Variants in ASAP3 observed in about 807,000 individuals in gnomAD.
The protein encoded by ASAP3 is arf-GAP with SH3 domain, ANK repeat and PH domain-containing protein 3.
A neutral mutation model predicts 118.2 loss-of-function variants in ASAP3; 85 were observed. The ratio of observed to expected loss-of-function variants is 0.72; its 90% CI spans 0.60 to 0.86. ASAP3 has a LOEUF of 0.86. ASAP3 is among the 40% of genes least tolerant of loss of function. The probability of loss-of-function intolerance (pLI) is 0.00; values close to 1 mark genes in which losing one functional copy is unlikely to be tolerated. For synonymous variants in ASAP3, 432 were observed against 477.4 expected, an observed-to-expected ratio of 0.90 and a Z score of 1.24; for missense variants, 1,026 against 1,175.0, an observed-to-expected ratio of 0.87 and a Z score of 1.85.
chr1:23,437,551 C>A lies in ASAP3; in HGVS notation c.1103-79G>T. 1 of 1,558,034 alleles carries A rather than the reference C, an allele frequency of 6.4e-7. No homozygotes were observed. Among genetic ancestry groups the A allele is most frequent in the Non-Finnish European group, 8.8e-7 (1 of 1,138,440 alleles). On this transcript the variant is annotated intron_variant, in intron 12 of 24. Transcript: ENST00000336689. This position sits in a 1 kb window ranked among gnomAD's most constrained non-coding sequence, Gnocchi z 6.1. ...GAGCCCAGGGAGCCCCCACCAAAGC[C>A]GCTGGGGCCACATGGAGATGTGTCC...
At chr1:23,470,316 TG>T (rs1475268501) in intron 1 of ASAP3, among the ~76,000 whole-genome samples, 1 of 152,246 alleles carries the variant, frequency 6.6e-6, no homozygotes, top group African/African-American at 2.4e-5. Flanking sequence ...GGTTTTCCTC[TG>T]GATCAGCCCC....
chr1:23,462,412 G>C (rs1222773050), intron 1 of ASAP3, among the ~76,000 whole-genome samples: 1 of 152,040 alleles, frequency 6.6e-6, no homozygotes, highest in Non-Finnish European at 1.5e-5. Flanking sequence ...GCTCTTGGCA[G>C]CCAAGTTCAC....
chr1:23,472,999 TC>T (rs1387379843), intron 1 of ASAP3, among the ~76,000 whole-genome samples: 3 of 152,174 alleles, frequency 2.0e-5, no homozygotes, highest in Admixed American at 2.0e-4. Flanking sequence ...CTCAGCCACA[TC>T]CCTGTATGCT....
At position 23,433,169 on chromosome 1, in the gene ASAP3, G is replaced by A. The variant is rs748749801; in HGVS notation, c.2231C>T (p.Pro744Leu). The A allele has an allele frequency of 1.2e-6, 2 of 1,614,164 alleles. No homozygotes were observed. Among genetic ancestry groups the A allele is most frequent in the Non-Finnish European group, 1.7e-6 (2 of 1,180,026 alleles). ...ETVASLGAAT[P>L]QGESEDCPPP... ...GGGACAGTCCTCACTCTCGCCCTGA[G>A]GGGTGGCTGCTCCCAGGCTGGCGAC... The change falls in exon 22 of 25, where the codon CCT (proline) becomes CTT (leucine). Residue 744 changes from proline to leucine, a missense_variant. Transcript: ENST00000336689.
At chr1:23,478,234 G>A (rs947475491) in intron 1 of ASAP3, among the ~76,000 whole-genome samples, 14 of 152,250 alleles carry the variant, frequency 9.2e-5, no homozygotes, top group African/African-American at 2.9e-4. Flanking sequence ...GGAAGCCGAG[G>A]TGGGTGGATC....
intron 1 of ASAP3, among the ~76,000 whole-genome samples, chr1:23,476,334 A>G (rs1180015678): frequency 6.6e-6 from 1 of 151,586 alleles, no homozygotes; most frequent in Non-Finnish European, 1.5e-5. Flanking sequence ...CAATACAGTG[A>G]GACTCCATCC....
At chr1:23,441,019 A>G (rs1640853376) in intron 10 of ASAP3, 83 bp downstream of exon 10, 1 of 1,281,118 alleles carries the variant, frequency 7.8e-7, no homozygotes, top group Non-Finnish European at 1.1e-6. Context: ...TGATTAGAAC[A>G]GTTCCTTTGG....
At chr1:23,433,829 G>C in intron 19 of ASAP3, 136 bp from the exon 20 acceptor site, 5 of 1,096,832 alleles carry the variant, frequency 4.6e-6, no homozygotes, top group African/African-American at 1.6e-5. Flanking sequence ...GTGACCATAG[G>C]CAAGTTATAT....
At chr1:23,452,580 C>A (rs1295345670) in intron 4 of ASAP3, 117 bp downstream of exon 4, 5 of 1,145,952 alleles carry the variant, frequency 4.4e-6, no homozygotes, top group Non-Finnish European at 1.3e-6. Context: ...CTCATCACTC[C>A]CGCTAAGACA....
chr1:23,431,111 C>T lies in ASAP3; in HGVS notation c.2561G>A (p.Arg854His). 5.7e-6 allele frequency: 9 copies of T among 1,589,684 alleles called. No individual in the cohort carries two copies. The highest frequency in any genetic ancestry group is 1.3e-5 in the African/African-American group (1 of 74,728). Residue 854 changes from arginine (R) to histidine (H), a missense_variant, in exon 24 of 25, where the codon CGC becomes CAC. By Grantham distance (29) the Arg-to-His change is conservative (BLOSUM62 0). Transcript: ENST00000336689. ...GCTCCGCGCCCCCCGCCGATAGGAG[C>T]GAGTGCTCTCGGAGCTGGAAGGCAG... Reference protein sequence around the residue: ...LPVRFSSESTRSYRRGARSPE... With the variant: ...LPVRFSSESTHSYRRGARSPE...
At chr1:23,468,256 T>C (rs1052093119) in intron 1 of ASAP3, among the ~76,000 whole-genome samples, 3 of 152,224 alleles carry the variant, frequency 2.0e-5, no homozygotes, top group Non-Finnish European at 2.9e-5. Context: ...AGCAGGACAC[T>C]GTGAAGCCAC....
At chr1:23,432,682 T>G (rs1640481835) in intron 22 of ASAP3, among the ~76,000 whole-genome samples, 1 of 152,226 alleles carries the variant, frequency 6.6e-6, no homozygotes, top group Admixed American at 6.5e-5. Flanking sequence ...CTTTTGGGAT[T>G]TACATTCTAT....
Position 23,438,822 on chromosome 1 carries a change from G to C in ASAP3, c.1027C>G (p.Pro343Ala). The change falls in exon 12 of 25, where the codon CCG becomes GCG. Residue 343 changes from proline to alanine, a missense_variant. Coordinates refer to ENST00000336689, the MANE Select transcript of ASAP3 (RefSeq NM_017707.4). This position sits in a 1 kb window ranked among gnomAD's most constrained non-coding sequence, Gnocchi z 4.9. ...CACGTCAGCAGGGTCAGCTTCACCG[G>C]GGGCCGGTTTATCTGTGGGAATTTA... ...TISHSTINRP[P>A]VKLTLLTCQV... 2 of 1,614,194 alleles carry C rather than the reference G, an allele frequency of 1.2e-6. No homozygotes were observed. The highest frequency in any genetic ancestry group is 1.1e-5 in the South Asian group (1 of 91,084).
At position 23,478,358 on chromosome 1, in the gene ASAP3, G is replaced by A. The variant is rs1005066105; in HGVS notation, c.129+5647C>T. Among the ~76,000 whole-genome samples, 9 of 152,128 alleles carry A rather than the reference G, an allele frequency of 5.9e-5. No homozygotes were observed. In the South Asian group the frequency reaches 1.2e-3, roughly 21 times the overall value. On this transcript the variant is annotated intron_variant, in intron 1 of 24. Transcript: ENST00000336689. ...CGGGCGCCTGTAATCCCAGCTACTC[G>A]GGAGGCTGAGGCAGGAGAATCGCTT...
chr1:23,457,708 T>G (rs929848247), intron 1 of ASAP3, among the ~76,000 whole-genome samples: 4 of 152,162 alleles, frequency 2.6e-5, no homozygotes, highest in Non-Finnish European at 5.9e-5. Flanking sequence ...AGACGGGGTT[T>G]CATTGTGTTG....
intron 5 of ASAP3, among the ~76,000 whole-genome samples, chr1:23,445,025 AC>A (rs982949480): frequency 6.1e-5 from 9 of 146,380 alleles, no homozygotes; most frequent in Non-Finnish European, 1.2e-4. Flanking sequence ...GCTTTCTGAT[AC>A]CCCAAGCAAG....
rs968222109 is a variant in ASAP3 at position 23,437,551 on chromosome 1, C to T, written c.1103-79G>A. The T allele has an allele frequency of 1.0e-5, 16 of 1,557,916 alleles. No homozygotes were observed. Among genetic ancestry groups the T allele is most frequent in the African/African-American group, 6.8e-5 (5 of 73,472 alleles). ...GAGCCCAGGGAGCCCCCACCAAAGC[C>T]GCTGGGGCCACATGGAGATGTGTCC... On this transcript the variant is annotated intron_variant, in intron 12 of 24. Transcript: ENST00000336689. The surrounding 1 kb of genome is among the most constrained non-coding windows in gnomAD (Gnocchi z 6.1).
rs374474860 is a variant in ASAP3 at position 23,437,441 on chromosome 1, G to A, written c.1134C>T (p.Asp378=). Residue 378 remains aspartate, a synonymous_variant, in exon 13 of 25, where the codon GAC becomes GAT. Transcript: ENST00000336689. The surrounding 1 kb of genome is among the most constrained non-coding windows in gnomAD (Gnocchi z 6.1). The part of the protein sequence containing the change: ...HNRTYHFQAE[D]EHECEAWVSV... ...GCACTCACGCCTCACACTCGTGCTC[G>A]TCCTCTGCCTGAAAGTGGTACGTCC... The A allele has an allele frequency of 2.5e-6, 4 of 1,613,978 alleles. No individual in the cohort carries two copies. In the African/African-American group the frequency reaches 5.3e-5, roughly 22 times the overall value.
In ASAP3 at chr1:23,473,170, AC is replaced by A. The variant is rs1469446556; in HGVS notation, c.129+10834del. Among the ~76,000 whole-genome samples the A allele has an allele frequency of 4.6e-5, 7 of 152,296 alleles. No individual in the cohort carries two copies. The East Asian group carries it at 1.3e-3, about 29-fold the overall frequency. On this transcript the variant is annotated intron_variant, in intron 1 of 24. Transcript: ENST00000336689. ...ACCTTCAGTGGGCATGCAATAGCTT[AC>A]CACAATAGTTTTCACCCCAACTGCT...
Sources: gnomAD v4.1 joint callset for allele counts (sites outside exome capture counted in the v4.1 genomes callset) on GRCh38, gnomAD v4.1.1 for gene constraint, Gnocchi (gnomAD v3.1) non-coding constraint, MANE v1.5 for transcripts, NCBI Gene and HGNC (gene_info 2026-07-23, HGNC 2026-07-21) for gene names.